The following MLXIP variants were observed in gnomAD, a reference collection of about 807,000 sequenced individuals.
MLXIP encodes the protein MLX interacting protein, also known as MLX-interacting protein.
MLXIP carries 30 observed loss-of-function variants against 87.2 expected under a neutral mutation model. That is an observed-to-expected ratio of 0.34 (90% confidence interval 0.26 to 0.47). MLXIP has a LOEUF of 0.47. MLXIP is among the 20% of genes least tolerant of loss of function. The pLI, the probability that MLXIP is intolerant of heterozygous loss-of-function variation, is 1.00. For synonymous variants in MLXIP, 530 were observed against 514.0 expected (o/e 1.03, Z -0.42); for missense variants, 1,002 against 1,240.1 (o/e 0.81, Z 2.88).
chr12:122,127,792 G>A, intron 2 of MLXIP, 91 bp from the exon 3 acceptor site: 1 of 949,838 alleles, frequency 1.1e-6, no homozygotes, highest in Non-Finnish European at 1.7e-6. Context: ...CTGGGAATGT[G>A]GTCTGCCCTA....
chr12:122,105,764 A>G (rs1209744659), intron 1 of MLXIP, among the ~76,000 whole-genome samples: 3 of 150,796 alleles, frequency 2.0e-5, no homozygotes, highest in African/African-American at 7.3e-5. Flanking sequence ...TGGGCTAAAG[A>G]GCGGGACTCC....
chr12:122,084,144 TTGTGTGTGTGTGTGTGTGTGTG>T (rs746678463), intron 1 of MLXIP, among the ~76,000 whole-genome samples: 1 of 138,164 alleles, frequency 7.2e-6, no homozygotes, highest in Non-Finnish European at 1.6e-5. Flanking sequence ...CTCAGCCAGA[TTGTGTGTGTGTGTGTGTGTGTG>T]TGTGTGTGTG....
At chr12:122,127,044 C>T (rs1038642720) in intron 1 of MLXIP, among the ~76,000 whole-genome samples, 2 of 152,164 alleles carry the variant, frequency 1.3e-5, no homozygotes, top group African/African-American at 4.8e-5. Context: ...CACGGCCAGT[C>T]CTGCCCTCCG....
chr12:122,080,816 T>G (rs772816900), intron 1 of MLXIP, among the ~76,000 whole-genome samples: 3 of 152,256 alleles, frequency 2.0e-5, no homozygotes, highest in Non-Finnish European at 4.4e-5. Flanking sequence ...GATCGCAGCA[T>G]ATGCTATGCC....
chr12:122,097,709 T>C lies in MLXIP; in HGVS notation c.413+18443T>C, dbSNP rs1305927029. Reference sequence around the variant, plus strand: ...ACTGCCCACCATCCCCCTGCTGTGTTCTTGCTGAGAGTTCCTTACTGAGGG... The same window carrying C: ...ACTGCCCACCATCCCCCTGCTGTGTCCTTGCTGAGAGTTCCTTACTGAGGG... On this transcript the variant is annotated intron_variant, in intron 1 of 16. Transcript: ENST00000319080. Among the ~76,000 whole-genome samples, 3 of 152,226 alleles carry C rather than the reference T, an allele frequency of 2.0e-5. No homozygotes were observed. The East Asian group carries it at 5.8e-4, about 29-fold the overall frequency.
intron 1 of MLXIP, among the ~76,000 whole-genome samples, chr12:122,092,124 A>C (rs1952255128): frequency 6.8e-6 from 1 of 146,560 alleles, no homozygotes; most frequent in South Asian, 2.2e-4. Flanking sequence ...TTGAGACAGG[A>C]TCTCTCCCTG....
chr12:122,142,600 G>T lies in MLXIP; in HGVS notation c.*788G>T. 1.0e-5 allele frequency: 3 copies of T among 295,496 alleles called. No individual in the cohort carries two copies. Among genetic ancestry groups the T allele is most frequent in the Non-Finnish European group, 2.0e-5 (3 of 149,572 alleles). 18.3% of individuals were successfully genotyped at this position (295,496 alleles called of 1,614,324 possible). ...GGGCCTTCTCGGATGTCACCTCACC[G>T]CTGTGGCCCTTCTGCCGTTCTTCTC... On this transcript the variant is annotated 3_prime_UTR_variant, in exon 17 of 17. Transcript: ENST00000319080.
Position 122,138,293 on chromosome 12 carries a change from C to T in MLXIP, c.2254C>T (p.Leu752=). ...LNSLISNNSK[L]TSHAITLQKT... ...CAGCCTCATCTCCAACAATTCCAAG[C>T]TGGTGAGTTGCCAAGAGCGTGGGCT... Residue 752 remains leucine, a splice_region_variant and synonymous_variant, in exon 13 of 17, where the codon CTG becomes TTG. Coordinates refer to ENST00000319080, the MANE Select transcript of MLXIP (RefSeq NM_014938.6). The T allele has an allele frequency of 6.2e-7, 1 of 1,613,820 alleles. No individual in the cohort carries two copies. The highest frequency in any genetic ancestry group is 1.1e-5 in the South Asian group (1 of 91,046).
intron 7 of MLXIP, 66 bp downstream of exon 7, chr12:122,130,999 G>T (rs1362825156): frequency 9.3e-7 from 1 of 1,079,242 alleles, no homozygotes. Flanking sequence ...AGAGCAGATC[G>T]CTGCCTTCCT....
intron 8 of MLXIP, chr12:122,132,815 C>T: frequency 5.6e-6 from 1 of 177,742 alleles, no homozygotes; most frequent in Non-Finnish European, 1.2e-5. Flanking sequence ...CTTACGGAGC[C>T]CTCATGCTTA....
chr12:122,101,276 GAA>G (rs1952431578), intron 1 of MLXIP, among the ~76,000 whole-genome samples: 1 of 151,906 alleles, frequency 6.6e-6, no homozygotes, highest in Admixed American at 6.6e-5. Context: ...AAGACAGGAA[GAA>G]AAGAGCCCTG....
intron 1 of MLXIP, among the ~76,000 whole-genome samples, chr12:122,108,656 G>T (rs1952558704): frequency 1.3e-5 from 2 of 152,068 alleles, no homozygotes. Flanking sequence ...TTCCCATGTG[G>T]GTCACGCCCT....
chr12:122,106,534 T>C (rs1952522632), intron 1 of MLXIP, among the ~76,000 whole-genome samples: 1 of 151,284 alleles, frequency 6.6e-6, no homozygotes. Flanking sequence ...CTGCAGAGGG[T>C]TTCTGTATGG....
Position 122,135,426 on chromosome 12 carries a change from A to T in MLXIP, c.1855-63A>T, listed in dbSNP as rs1436214655. 3.7e-6 allele frequency: 6 copies of T among 1,603,480 alleles called. No homozygotes were observed. In the Admixed American group the frequency reaches 1.0e-4, roughly 27 times the overall value. ...TCTTGGGCGGCCCTCACCTGAGACG[A>T]CTGGTGTGCCGCCCTGCTGTATATC... On this transcript the variant is annotated intron_variant, in intron 10 of 16. Transcript: ENST00000319080. The surrounding 1 kb of genome is among the most constrained non-coding windows in gnomAD (Gnocchi z 5.3).
At chr12:122,079,977 C>T (rs1485368826) in intron 1 of MLXIP, among the ~76,000 whole-genome samples, 1 of 152,132 alleles carries the variant, frequency 6.6e-6, no homozygotes, top group Non-Finnish European at 1.5e-5. Flanking sequence ...TCTGGCCGGT[C>T]CTGAAACATT....
intron 1 of MLXIP, among the ~76,000 whole-genome samples, chr12:122,093,868 G>A (rs1434467587): frequency 2.8e-5 from 4 of 144,668 alleles, no homozygotes; most frequent in Middle Eastern, 3.7e-3. Context: ...TCTGGTGTGT[G>A]GGGTGTGTTG....
In MLXIP at chr12:122,079,159, C is replaced by T; in HGVS notation, c.306C>T (p.Val102=). The T allele has an allele frequency of 6.4e-7, 1 of 1,551,254 alleles. No individual in the cohort carries two copies. Among genetic ancestry groups the T allele is most frequent in the Non-Finnish European group, 8.7e-7 (1 of 1,146,870 alleles). ...PPKKGYDFDT[V]NKQTCQTYSF... is the part of the protein sequence containing the mutation. ...AGAAGGGCTACGATTTCGACACGGT[C>T]AACAAACAGACGTGCCAGACCTACA... Residue 102 remains valine, a synonymous_variant, in exon 1 of 17, where the codon GTC becomes GTT. Coordinates refer to ENST00000319080, the MANE Select transcript of MLXIP (RefSeq NM_014938.6).
Position 122,137,814 on chromosome 12 carries a change from G to A in MLXIP, c.2154+224G>A, listed in dbSNP as rs1301997710. 6.6e-6 allele frequency among the ~76,000 whole-genome samples: 1 copy of A among 152,234 alleles called. No individual in the cohort carries two copies. Among genetic ancestry groups the A allele is most frequent in the Non-Finnish European group, 1.5e-5 (1 of 68,038 alleles). Reference sequence around the variant, plus strand: ...GTGAGCCCCAAGCCTGGGAGCCAACGCTGAGTCCACGTAGTGTGCAGGTAC... The same window carrying A: ...GTGAGCCCCAAGCCTGGGAGCCAACACTGAGTCCACGTAGTGTGCAGGTAC... On this transcript the variant is annotated intron_variant, in intron 12 of 16. Coordinates refer to ENST00000319080, the MANE Select transcript of MLXIP (RefSeq NM_014938.6). This position sits in a 1 kb window ranked among gnomAD's most constrained non-coding sequence, Gnocchi z 4.1.
At chr12:122,083,998 C>T (rs900490307) in intron 1 of MLXIP, among the ~76,000 whole-genome samples, 2 of 152,114 alleles carry the variant, frequency 1.3e-5, no homozygotes, top group African/African-American at 4.8e-5. Context: ...AGGTGGGAGC[C>T]GGGGCTGCAG....
Sources: allele counts gnomAD v4.1 joint callset (sites outside exome capture counted in the v4.1 genomes callset), GRCh38; gene constraint gnomAD v4.1.1; non-coding constraint Gnocchi (gnomAD v3.1); transcripts MANE v1.5; gene names NCBI Gene and HGNC (gene_info 2026-07-23, HGNC 2026-07-21).